The following SGCZ variants were observed in gnomAD, a reference collection of about 807,000 sequenced individuals.
The protein encoded by SGCZ is sarcoglycan zeta.
Under a neutral mutation model 41.3 loss-of-function variants are expected in SGCZ, and 40 were observed. The ratio of observed to expected loss-of-function variants is 0.97; its 90% confidence interval spans 0.75 to 1.26. The LOEUF is 1.26. SGCZ is among the 50% of genes most tolerant of loss of function. The pLI is 0.00. For synonymous variants in SGCZ, 206 were observed against 137.5 expected (o/e 1.50, Z -3.49); for missense variants, 552 against 369.8 (o/e 1.49, Z -4.04).
At chr8:14,829,346 T>G (rs549032487) in intron 1 of SGCZ, among the ~76,000 whole-genome samples, 1 of 152,190 alleles carries the variant, frequency 6.6e-6, no homozygotes, top group African/African-American at 2.4e-5. Flanking sequence ...TCTTCAGGGA[T>G]AGACTAAATG....
chr8:14,424,433 G>A (rs534646544), intron 2 of SGCZ, among the ~76,000 whole-genome samples: 9 of 152,110 alleles, frequency 5.9e-5, no homozygotes, highest in East Asian at 3.9e-4. Flanking sequence ...GAAATTAAAC[G>A]TCCTATCAAA....
chr8:14,555,792 T>C (rs892607956), intron 1 of SGCZ, among the ~76,000 whole-genome samples: 17 of 152,034 alleles, frequency 1.1e-4, no homozygotes, highest in Non-Finnish European at 2.1e-4. Context: ...ATTAGTGTAT[T>C]TGCAAGAACC....
intron 1 of SGCZ, among the ~76,000 whole-genome samples, chr8:15,064,306 A>G (rs1805043229): frequency 6.6e-6 from 1 of 152,256 alleles, no homozygotes; most frequent in African/African-American, 2.4e-5. Flanking sequence ...ATGCCATATC[A>G]CTATGAATGA....
chr8:14,331,368 G>T, intron 2 of SGCZ, among the ~76,000 whole-genome samples: 1 of 151,996 alleles, frequency 6.6e-6, no homozygotes. Context: ...AAAGCATGTG[G>T]TTTATGCTGT....
At chr8:14,952,990 G>C (rs1428616470) in intron 1 of SGCZ, among the ~76,000 whole-genome samples, 1 of 152,092 alleles carries the variant, frequency 6.6e-6, no homozygotes, top group Non-Finnish European at 1.5e-5. Flanking sequence ...GGTGGATTTT[G>C]CTGATCAGGG....
intron 1 of SGCZ, among the ~76,000 whole-genome samples, chr8:15,168,313 C>G (rs547989185): frequency 6.6e-6 from 1 of 152,282 alleles, no homozygotes; most frequent in African/African-American, 2.4e-5. Flanking sequence ...TAAGCCAACC[C>G]CAGGCTTCCT....
chr8:14,890,901 C>G (rs1221076268), intron 1 of SGCZ, among the ~76,000 whole-genome samples: 1 of 152,200 alleles, frequency 6.6e-6, no homozygotes, highest in Non-Finnish European at 1.5e-5. Context: ...TAAATCCACT[C>G]TGCCTGTGCT....
intron 1 of SGCZ, among the ~76,000 whole-genome samples, chr8:14,574,615 T>C (rs1804654143): frequency 6.6e-6 from 1 of 152,198 alleles, no homozygotes; most frequent in African/African-American, 2.4e-5. Context: ...TGGTTGTTCC[T>C]CCTTTATTGA....
chr8:14,898,088 A>G (rs1805267393), intron 1 of SGCZ, among the ~76,000 whole-genome samples: 1 of 151,818 alleles, frequency 6.6e-6, no homozygotes, highest in African/African-American at 2.4e-5. Context: ...TGAGAAAACA[A>G]CTTTTATTAT....
intron 1 of SGCZ, among the ~76,000 whole-genome samples, chr8:15,121,999 T>A (rs1482383830): frequency 1.3e-5 from 2 of 150,812 alleles, no homozygotes; most frequent in African/African-American, 4.9e-5. Context: ...GGATACAACA[T>A]AAATGTAATA....
chr8:14,954,138 G>A (rs998585508), intron 1 of SGCZ, among the ~76,000 whole-genome samples: 3 of 152,252 alleles, frequency 2.0e-5, no homozygotes, highest in South Asian at 2.1e-4. Context: ...GCATAATGTA[G>A]ACTTGTCTAA....
chr8:14,738,454 G>A (rs1437155225), intron 1 of SGCZ, among the ~76,000 whole-genome samples: 1 of 152,028 alleles, frequency 6.6e-6, no homozygotes, highest in Non-Finnish European at 1.5e-5. Context: ...ATTAAAAAAA[G>A]TTTTTAATTT....
chr8:14,760,417 C>A (rs1003150512), intron 1 of SGCZ, among the ~76,000 whole-genome samples: 5 of 152,178 alleles, frequency 3.3e-5, no homozygotes, highest in East Asian at 1.9e-4. Context: ...AAAGTATCCA[C>A]CCTCTTTGTA....
intron 1 of SGCZ, among the ~76,000 whole-genome samples, chr8:14,564,991 T>C (rs1804315954): frequency 6.6e-6 from 1 of 152,100 alleles, no homozygotes; most frequent in Admixed American, 6.5e-5. Flanking sequence ...GAAAATGCTG[T>C]AGTCAGGTTT....
chr8:14,089,158 C>T lies in SGCZ; in HGVS notation c.*1285G>A, dbSNP rs1192931521. ...CTAAGAGGTCATATACAAAAATAAG[C>T]ATTGGAAAATGAAAAGAACTATAAT... On this transcript the variant is annotated 3_prime_UTR_variant, in exon 8 of 8. Coordinates refer to ENST00000382080, the MANE Select transcript of SGCZ (RefSeq NM_139167.4). 6.6e-6 allele frequency among the ~76,000 whole-genome samples: 1 copy of T among 151,860 alleles called. No homozygotes were observed. Among genetic ancestry groups the T allele is most frequent in the Non-Finnish European group, 1.5e-5 (1 of 67,930 alleles).
intron 1 of SGCZ, among the ~76,000 whole-genome samples, chr8:14,890,381 T>G (rs779129853): frequency 1.3e-5 from 2 of 152,196 alleles, no homozygotes; most frequent in Non-Finnish European, 2.9e-5. Flanking sequence ...TGAAACAGCC[T>G]TATTTTTGAT....
intron 1 of SGCZ, among the ~76,000 whole-genome samples, chr8:14,934,434 C>A (rs1395876237): frequency 6.6e-6 from 1 of 151,742 alleles, no homozygotes; most frequent in African/African-American, 2.4e-5. Context: ...AAGGGAACTT[C>A]TAGTAATGAA....
chr8:14,975,809 A>ATG (rs66667974), intron 1 of SGCZ, among the ~76,000 whole-genome samples: 3,824 of 131,838 alleles, frequency 0.029, 180 homozygotes, highest in African/African-American at 0.12. Context: ...ATATATATAT[A>ATG]TGTGTGTGTG....
rs1803749010 is a variant in SGCZ, at chr8:15,033,234, AC to A, written c.39+204350del. Among the ~76,000 whole-genome samples the A allele has an allele frequency of 2.6e-5, 4 of 151,614 alleles. No homozygotes were observed. In the South Asian group the frequency reaches 8.3e-4, roughly 32 times the overall value. ...CTAGGAATCAGGCCAGCCCTCATAGACCTAGCCTCCAGCCCAACACCCACAC... is the reference window on the plus strand; with the variant it reads ...CTAGGAATCAGGCCAGCCCTCATAGACTAGCCTCCAGCCCAACACCCACAC... On this transcript the variant is annotated intron_variant, in intron 1 of 7. Coordinates refer to ENST00000382080, the MANE Select transcript of SGCZ (RefSeq NM_139167.4).
Sources: allele counts gnomAD v4.1 joint callset (sites outside exome capture counted in the v4.1 genomes callset), GRCh38; gene constraint gnomAD v4.1.1; transcripts MANE v1.5; gene names NCBI Gene and HGNC (gene_info 2026-07-23, HGNC 2026-07-21).